Variants in GALNT10 observed in about 807,000 individuals in gnomAD.
GALNT10 encodes the protein polypeptide N-acetylgalactosaminyltransferase 10.
GALNT10 carries 41 observed loss-of-function variants against 75.0 expected under a neutral mutation model. The observed-to-expected ratio is 0.55, with a 90% CI of 0.43 to 0.71. The LOEUF (loss-of-function observed/expected upper bound fraction) is 0.71, where lower values mean the gene tolerates loss of function less well. Ranked by LOEUF, GALNT10 falls within the 30% of genes least tolerant of loss-of-function variation. The probability of loss-of-function intolerance (pLI) is 0.00; values close to 1 mark genes in which losing one functional copy is unlikely to be tolerated. For synonymous variants in GALNT10, 302 were observed against 313.0 expected, an observed-to-expected ratio of 0.96 and a Z score of 0.37; for missense variants, 727 against 818.5, an observed-to-expected ratio of 0.89 and a Z score of 1.36.
chr5:154,337,560 C>A, intron 4 of GALNT10: 2 of 763,934 alleles, frequency 2.6e-6, no homozygotes, highest in South Asian at 2.7e-5. Flanking sequence ...GCCTCCATCA[C>A]CATAGAGGCC....
chr5:154,332,190 G>A (rs1246716755), intron 4 of GALNT10, among the ~76,000 whole-genome samples: 5 of 152,228 alleles, frequency 3.3e-5, no homozygotes, highest in Admixed American at 2.6e-4. Context: ...AACTGCTCAA[G>A]TGATTGATTT....
At position 154,190,863 on chromosome 5, in the gene GALNT10, C is replaced by T; in HGVS notation, c.-4C>T. ...GCGGGGCGCGGCGGGGCTGACCGGCCCCGATGAGGCGGAAGGAGAAGCGGC... is the reference window on the plus strand; with the variant it reads ...GCGGGGCGCGGCGGGGCTGACCGGCTCCGATGAGGCGGAAGGAGAAGCGGC... On this transcript the variant is annotated 5_prime_UTR_variant, in exon 1 of 12. Transcript: ENST00000297107. 1 of 1,353,092 alleles carries T rather than the reference C, an allele frequency of 7.4e-7. No individual in the cohort carries two copies. Among genetic ancestry groups the T allele is most frequent in the African/African-American group, 1.5e-5 (1 of 66,330 alleles). The allele number at this position is 1,353,092 out of a possible 1,614,324, so 83.8% of individuals were successfully genotyped here.
chr5:154,383,801 C>G (rs969731502), intron 6 of GALNT10, among the ~76,000 whole-genome samples: 5 of 152,230 alleles, frequency 3.3e-5, no homozygotes, highest in African/African-American at 1.2e-4. Flanking sequence ...GGAGCCAATA[C>G]TAATAACACC....
chr5:154,337,974 G>A (rs1246351595), intron 4 of GALNT10: 89 of 1,577,808 alleles, frequency 5.6e-5, no homozygotes, highest in Middle Eastern at 4.5e-4. Flanking sequence ...GTCGTCAAAG[G>A]TTACAAAGGC....
intron 4 of GALNT10, among the ~76,000 whole-genome samples, chr5:154,331,251 C>G (rs1036649564): frequency 1.3e-5 from 2 of 152,078 alleles, no homozygotes; most frequent in African/African-American, 4.8e-5. Context: ...TTTCTTAGTA[C>G]TTCCACCCTG....
At chr5:154,337,788 T>C in intron 4 of GALNT10, 1 of 1,041,342 alleles carries the variant, frequency 9.6e-7, no homozygotes, top group Non-Finnish European at 1.5e-6. Context: ...ACCAAAGTTG[T>C]CATTCCCACT....
intron 2 of GALNT10, 35 bp from the exon 3 acceptor site, chr5:154,297,906 T>G: frequency 6.3e-7 from 1 of 1,599,286 alleles, no homozygotes; most frequent in Non-Finnish European, 8.6e-7. Context: ...ACCCCATACA[T>G]CATTAGCAAC....
At chr5:154,391,324 G>A (rs777436335) in intron 7 of GALNT10, among the ~76,000 whole-genome samples, 1 of 152,190 alleles carries the variant, frequency 6.6e-6, no homozygotes, top group Non-Finnish European at 1.5e-5. Flanking sequence ...CAGAAATTAA[G>A]ATCAATCAAC....
intron 1 of GALNT10, among the ~76,000 whole-genome samples, chr5:154,293,611 ATAT>A (rs1166338288): frequency 0.024 from 2,313 of 96,782 alleles, 71 homozygotes; most frequent in African/African-American, 0.054. Flanking sequence ...ATATATATAT[ATAT>A]TTTTTTTTTC....
In GALNT10 at chr5:154,203,656, G is replaced by A. The variant is rs541500449; in HGVS notation, c.159+12631G>A. Among the ~76,000 whole-genome samples, 14 of 152,304 alleles carry A rather than the reference G, an allele frequency of 9.2e-5. 1 individual carries two copies. Among genetic ancestry groups the A allele is most frequent in the African/African-American group, 3.4e-4 (14 of 41,548 alleles). ...CCTACAAAACTTAATTTGTACAACT[G>A]TGGTGGCGTGAATGTTATAGTGCCA... On this transcript the variant is annotated intron_variant, in intron 1 of 11. Coordinates refer to ENST00000297107, the MANE Select transcript of GALNT10 (RefSeq NM_198321.4).
intron 4 of GALNT10, among the ~76,000 whole-genome samples, chr5:154,371,371 A>G (rs1193836979): frequency 6.6e-6 from 1 of 152,026 alleles, no homozygotes; most frequent in Non-Finnish European, 1.5e-5. Flanking sequence ...GGACTTCAAT[A>G]TGTCTTTTTG....
intron 7 of GALNT10, 175 bp downstream of exon 7, chr5:154,386,605 G>T (rs1561678728): frequency 8.3e-6 from 5 of 600,136 alleles, no homozygotes; most frequent in African/African-American, 1.9e-5. Flanking sequence ...GTTGTGGGGT[G>T]GGGGGGTGTG....
chr5:154,241,432 C>T (rs1047027429), intron 1 of GALNT10, among the ~76,000 whole-genome samples: 2 of 152,122 alleles, frequency 1.3e-5, no homozygotes, highest in Non-Finnish European at 2.9e-5. Flanking sequence ...TTGTGACCAT[C>T]CAGAGATAAC....
At chr5:154,385,086 C>T (rs898428475) in intron 6 of GALNT10, among the ~76,000 whole-genome samples, 4 of 152,184 alleles carry the variant, frequency 2.6e-5, no homozygotes, top group East Asian at 1.9e-4. Flanking sequence ...AGAGCTTATT[C>T]GATCAGCCTA....
intron 1 of GALNT10, among the ~76,000 whole-genome samples, chr5:154,285,298 C>T (rs1754095538): frequency 6.6e-6 from 1 of 152,192 alleles, no homozygotes; most frequent in Non-Finnish European, 1.5e-5. Context: ...GGATTTCTCT[C>T]TTCTTTCTTG....
Position 154,409,591 on chromosome 5 carries a change from T to G in GALNT10, c.1215T>G (p.Ile405Met), listed in dbSNP as rs1756353420. ...GGATGGATGAGTACGCAGAGTACAT[T>G]TACCAGCGCCGGCCTGAATACCGCC... ...EVWMDEYAEY[I>M]YQRRPEYRHL... The change falls in exon 9 of 12, where the codon ATT (isoleucine) becomes ATG (methionine). Residue 405 changes from isoleucine to methionine, a missense_variant. Ile to Met is a conservative substitution (Grantham distance 10). Transcript: ENST00000297107. This position sits in a 1 kb window ranked among gnomAD's most constrained non-coding sequence, Gnocchi z 4.5. 2 of 1,613,978 alleles carry G rather than the reference T, an allele frequency of 1.2e-6. No individual in the cohort carries two copies. Among genetic ancestry groups the G allele is most frequent in the Non-Finnish European group, 1.7e-6 (2 of 1,179,988 alleles).
At chr5:154,216,282 T>C (rs1752870691) in intron 1 of GALNT10, among the ~76,000 whole-genome samples, 1 of 152,216 alleles carries the variant, frequency 6.6e-6, no homozygotes, top group Admixed American at 6.5e-5. Flanking sequence ...CTATGTGTTA[T>C]ATACTGCATT....
Position 154,190,815 on chromosome 5 carries a change from CTGGGGGCG to C in GALNT10, c.-51_-44del. 4.7e-6 allele frequency: 4 copies of C among 853,552 alleles called. No individual in the cohort carries two copies. Among genetic ancestry groups the C allele is most frequent in the Non-Finnish European group, 5.7e-6 (4 of 698,600 alleles). 52.9% of individuals were successfully genotyped at this position (853,552 alleles called of 1,614,324 possible). ...CGGGCGGACGGGCGGACGCGCGGAG[CTGGGGGCG>C]GCGCGGCGGGGCCGGCGGGGCGCGG... On this transcript the variant is annotated 5_prime_UTR_variant, in exon 1 of 12. Transcript: ENST00000297107.
intron 6 of GALNT10, among the ~76,000 whole-genome samples, chr5:154,381,149 G>A (rs1432413946): frequency 6.6e-6 from 1 of 152,180 alleles, no homozygotes; most frequent in African/African-American, 2.4e-5. Flanking sequence ...CCATCGTACT[G>A]CTATACCCAC....
Sources: allele counts gnomAD v4.1 joint callset (sites outside exome capture counted in the v4.1 genomes callset), GRCh38; gene constraint gnomAD v4.1.1; non-coding constraint Gnocchi (gnomAD v3.1); transcripts MANE v1.5; gene names NCBI Gene and HGNC (gene_info 2026-07-23, HGNC 2026-07-21).